GABRB2: variants seen among roughly 807,000 people sequenced by gnomAD.
GABRB2 encodes the protein gamma-aminobutyric acid receptor subunit beta-2.
Under a neutral mutation model 54.7 loss-of-function variants are expected in GABRB2, and 16 were observed. The ratio of observed to expected loss-of-function variants is 0.29; its 90% CI spans 0.20 to 0.44. The LOEUF (loss-of-function observed/expected upper bound fraction) is 0.44. Ranked by LOEUF, GABRB2 falls within the 20% of genes least tolerant of loss-of-function variation. The probability of loss-of-function intolerance (pLI) is 1.00; values close to 1 mark genes in which losing one functional copy is unlikely to be tolerated. For synonymous variants in GABRB2, 244 were observed against 233.8 expected (o/e 1.04, Z -0.40); for missense variants, 355 against 644.0 (o/e 0.55, Z 4.86).
At chr5:161,345,585 T>G (rs1754298997) in intron 5 of GABRB2, among the ~76,000 whole-genome samples, 1 of 152,140 alleles carries the variant, frequency 6.6e-6, no homozygotes, top group Admixed American at 6.6e-5. Flanking sequence ...AAATATTTTC[T>G]CCTTTCACAT....
chr5:161,387,160 T>C (rs1375543186), intron 5 of GABRB2, among the ~76,000 whole-genome samples: 2 of 152,176 alleles, frequency 1.3e-5, no homozygotes, highest in Non-Finnish European at 2.9e-5. Context: ...TATTTTCTAA[T>C]CCTGTGGCAG....
chr5:161,334,618 A>ACAGT, intron 7 of GABRB2, 134 bp downstream of exon 7: 1 of 799,780 alleles, frequency 1.3e-6, no homozygotes, highest in Non-Finnish European at 2.0e-6. Context: ...AAAGTCTCAT[A>ACAGT]GCGAAACTCT....
intron 5 of GABRB2, among the ~76,000 whole-genome samples, chr5:161,381,681 C>T (rs532253477): frequency 2.9e-4 from 44 of 152,256 alleles, no homozygotes; most frequent in Middle Eastern, 3.4e-3. Flanking sequence ...TAGGGTGACA[C>T]TGTCCATGGA....
chr5:161,536,529 T>C (rs947761844), intron 3 of GABRB2, among the ~76,000 whole-genome samples: 2 of 152,190 alleles, frequency 1.3e-5, no homozygotes, highest in African/African-American at 2.4e-5. Context: ...TATGTAAGTC[T>C]TCAGGCAAGC....
chr5:161,504,326 A>G lies in GABRB2; in HGVS notation c.237+40901T>C, dbSNP rs991021027. ...GATATTCAATGAGTCTTAATAATTTATGAAAACTAATGTCATTTACTGTAT... is the reference window on the plus strand; with the variant it reads ...GATATTCAATGAGTCTTAATAATTTGTGAAAACTAATGTCATTTACTGTAT... On this transcript the variant is annotated intron_variant, in intron 3 of 9. Coordinates refer to ENST00000393959, the MANE Select transcript of GABRB2 (RefSeq NM_001371727.1). Among the ~76,000 whole-genome samples, 3 of 152,200 alleles carry G rather than the reference A, an allele frequency of 2.0e-5. No homozygotes were observed. In the South Asian group the frequency reaches 6.2e-4, roughly 32 times the overall value.
intron 4 of GABRB2, among the ~76,000 whole-genome samples, chr5:161,439,812 C>G (rs1757412446): frequency 6.6e-6 from 1 of 151,700 alleles, no homozygotes; most frequent in Non-Finnish European, 1.5e-5. Context: ...CACATGAGGG[C>G]CTGCCATTGG....
chr5:161,368,705 G>C (rs955233551), intron 5 of GABRB2, among the ~76,000 whole-genome samples: 1 of 152,144 alleles, frequency 6.6e-6, no homozygotes. Context: ...TCTAAGAAGC[G>C]ATAGTCATCC....
At position 161,290,173 on chromosome 5, in the gene GABRB2, C is replaced by T. The variant is rs561929561; in HGVS notation, c.*3908G>A. 5 of 152,422 alleles carry T rather than the reference C, an allele frequency of 3.3e-5. No homozygotes were observed. In the East Asian group the frequency reaches 9.7e-4, roughly 29 times the overall value. The allele number at this position is 152,422 out of a possible 1,614,324, so 9.4% of individuals were successfully genotyped here. On this transcript the variant is annotated 3_prime_UTR_variant, in exon 10 of 10. Transcript: ENST00000393959. ...TTGCTCACATTACATGTACTCTGTACATTTAGCCAAATGGCATGATTGCTA... is the reference window on the plus strand; with the variant it reads ...TTGCTCACATTACATGTACTCTGTATATTTAGCCAAATGGCATGATTGCTA...
chr5:161,533,162 G>A (rs547180254), intron 3 of GABRB2, among the ~76,000 whole-genome samples: 4 of 152,116 alleles, frequency 2.6e-5, no homozygotes, highest in Admixed American at 6.6e-5. Flanking sequence ...TAGGAATGCC[G>A]ATAGAATGTG....
chr5:161,434,044 G>A (rs1001551885), intron 4 of GABRB2, among the ~76,000 whole-genome samples: 8 of 151,972 alleles, frequency 5.3e-5, no homozygotes, highest in African/African-American at 1.7e-4. Context: ...TCGAATTTTA[G>A]TGTAATATTT....
intron 4 of GABRB2, among the ~76,000 whole-genome samples, chr5:161,456,333 C>A (rs1294484161): frequency 6.6e-6 from 1 of 152,218 alleles, no homozygotes; most frequent in African/African-American, 2.4e-5. Flanking sequence ...GTGTGAACCA[C>A]AGGACCTAAT....
At chr5:161,404,702 C>T (rs1756295721) in intron 5 of GABRB2, among the ~76,000 whole-genome samples, 5 of 152,116 alleles carry the variant, frequency 3.3e-5, no homozygotes. Flanking sequence ...AGACCATCAG[C>T]AAAACACATA....
At chr5:161,470,667 C>A (rs755484951) in intron 3 of GABRB2, among the ~76,000 whole-genome samples, 1 of 151,770 alleles carries the variant, frequency 6.6e-6, no homozygotes, top group Non-Finnish European at 1.5e-5. Flanking sequence ...TGGGACAGAG[C>A]GGGATGGCGA....
At chr5:161,519,740 T>C (rs1257338457) in intron 3 of GABRB2, among the ~76,000 whole-genome samples, 1 of 152,126 alleles carries the variant, frequency 6.6e-6, no homozygotes, top group East Asian at 1.9e-4. Context: ...AAAGAATCGA[T>C]ACCATCCCAA....
intron 4 of GABRB2, among the ~76,000 whole-genome samples, chr5:161,435,560 G>A (rs757392943): frequency 3.9e-5 from 6 of 152,102 alleles, no homozygotes; most frequent in African/African-American, 9.7e-5. Context: ...TTTCTAGGAT[G>A]AACATGTGTT....
intron 3 of GABRB2, among the ~76,000 whole-genome samples, chr5:161,465,226 G>T (rs1047869267): frequency 2.6e-5 from 4 of 151,832 alleles, no homozygotes; most frequent in Non-Finnish European, 5.9e-5. Context: ...GGAACTGGGG[G>T]AAACAAAAGA....
At chr5:161,535,778 C>G (rs905677677) in intron 3 of GABRB2, among the ~76,000 whole-genome samples, 16 of 152,268 alleles carry the variant, frequency 1.1e-4, no homozygotes, top group African/African-American at 3.9e-4. Flanking sequence ...TCCCCAAACC[C>G]CATGTTGACA....
At chr5:161,505,228 A>T (rs1311007878) in intron 3 of GABRB2, among the ~76,000 whole-genome samples, 2 of 151,572 alleles carry the variant, frequency 1.3e-5, no homozygotes, top group Middle Eastern at 3.4e-3. Context: ...TCCTGGGTTC[A>T]AGTGATATTC....
intron 5 of GABRB2, among the ~76,000 whole-genome samples, chr5:161,401,765 C>T (rs956892132): frequency 6.6e-6 from 1 of 152,088 alleles, no homozygotes; most frequent in African/African-American, 2.4e-5. Context: ...GCACAATATC[C>T]AACTGTATAT....
Sources: allele counts gnomAD v4.1 joint callset (sites outside exome capture counted in the v4.1 genomes callset), GRCh38; gene constraint gnomAD v4.1.1; transcripts MANE v1.5; gene names NCBI Gene and HGNC (gene_info 2026-07-23, HGNC 2026-07-21).